MON2: variants seen among roughly 807,000 people sequenced by gnomAD.
MON2 encodes the protein protein MON2 homolog.
Under a neutral mutation model 208.6 loss-of-function variants are expected in MON2, and 84 were observed. The observed-to-expected ratio is 0.40, with a 90% confidence interval of 0.34 to 0.48. The LOEUF (loss-of-function observed/expected upper bound fraction) is 0.48. Ranked by LOEUF, MON2 falls within the 20% of genes least tolerant of loss-of-function variation. The probability of loss-of-function intolerance (pLI) is 0.59; values close to 1 mark genes in which losing one functional copy is unlikely to be tolerated. For synonymous variants in MON2, 660 were observed against 694.0 expected (o/e 0.95, Z 0.77); for missense variants, 1,611 against 2,015.4 (o/e 0.80, Z 3.84).
At chr12:62,485,790 G>A (rs1308454800) in intron 2 of MON2, among the ~76,000 whole-genome samples, 1 of 151,796 alleles carries the variant, frequency 6.6e-6, no homozygotes, top group East Asian at 1.9e-4. Flanking sequence ...TGCAACCTCT[G>A]CCTCCTGGGT....
chr12:62,590,268 T>C (rs1415295858), intron 34 of MON2, among the ~76,000 whole-genome samples: 1 of 152,110 alleles, frequency 6.6e-6, no homozygotes, highest in Non-Finnish European at 1.5e-5. Context: ...TTGTTTTGTA[T>C]TTTCAGTAGA....
chr12:62,497,640 T>C (rs1047212964), intron 4 of MON2, among the ~76,000 whole-genome samples: 3 of 151,976 alleles, frequency 2.0e-5, no homozygotes, highest in Non-Finnish European at 4.4e-5. Context: ...TTTGAGATAG[T>C]GTCTTGCTCT....
intron 4 of MON2, among the ~76,000 whole-genome samples, chr12:62,496,757 C>A (rs2070510825): frequency 6.6e-6 from 1 of 152,180 alleles, no homozygotes; most frequent in Non-Finnish European, 1.5e-5. Flanking sequence ...TCTTAAAATT[C>A]ATTCATAATG....
chr12:62,551,446 C>T (rs1433114246), intron 23 of MON2, among the ~76,000 whole-genome samples: 1 of 152,152 alleles, frequency 6.6e-6, no homozygotes, highest in Non-Finnish European at 1.5e-5. Flanking sequence ...AGGTGCGGCT[C>T]ATGCACCCCA....
intron 19 of MON2, among the ~76,000 whole-genome samples, chr12:62,542,214 T>C (rs1305780278): frequency 6.6e-6 from 1 of 152,160 alleles, no homozygotes; most frequent in Non-Finnish European, 1.5e-5. Flanking sequence ...CCCAATATAC[T>C]TGGTTCACTG....
intron 8 of MON2, among the ~76,000 whole-genome samples, chr12:62,513,468 C>T (rs2071517568): frequency 6.6e-6 from 1 of 151,978 alleles, no homozygotes; most frequent in South Asian, 2.1e-4. Context: ...TCAAGCAACC[C>T]ACCCGCCTCG....
chr12:62,541,154 G>A (rs2073214055), intron 19 of MON2, among the ~76,000 whole-genome samples: 1 of 152,124 alleles, frequency 6.6e-6, no homozygotes, highest in South Asian at 2.1e-4. Flanking sequence ...GGCTGAGGTG[G>A]GCGGATCACC....
chr12:62,540,624 G>A (rs1377447207), intron 19 of MON2, among the ~76,000 whole-genome samples: 1 of 152,146 alleles, frequency 6.6e-6, no homozygotes, highest in Non-Finnish European at 1.5e-5. Context: ...GATTTTTAAG[G>A]AAGGCTTGGG....
intron 11 of MON2, among the ~76,000 whole-genome samples, chr12:62,529,897 A>G (rs1034115683): frequency 6.6e-6 from 1 of 152,102 alleles, no homozygotes; most frequent in Admixed American, 6.5e-5. Context: ...TTCAGGGTAA[A>G]TGTGATATTT....
intron 8 of MON2, among the ~76,000 whole-genome samples, chr12:62,519,732 G>A (rs1261631771): frequency 6.6e-6 from 1 of 152,172 alleles, no homozygotes; most frequent in East Asian, 1.9e-4. Flanking sequence ...ACATGTAGTT[G>A]AAAGGCAGAA....
At chr12:62,508,688 CAG>C in intron 8 of MON2, 1 of 494,178 alleles carries the variant, frequency 2.0e-6, no homozygotes, top group Non-Finnish European at 3.6e-6. Context: ...ATGTGTGAAG[CAG>C]AGTCATTGCC....
intron 11 of MON2, among the ~76,000 whole-genome samples, chr12:62,528,287 T>C (rs919752310): frequency 6.6e-6 from 1 of 152,218 alleles, no homozygotes; most frequent in African/African-American, 2.4e-5. Context: ...ATCTTGATTG[T>C]GCATTCTGTT....
intron 8 of MON2, among the ~76,000 whole-genome samples, chr12:62,510,343 A>AT (rs769882485): frequency 2.6e-5 from 4 of 152,128 alleles, no homozygotes; most frequent in African/African-American, 9.7e-5. Flanking sequence ...GGAAAAAAAA[A>AT]CAGATCAAGC....
chr12:62,553,458 T>G (rs1210417387), intron 24 of MON2: 2 of 277,388 alleles, frequency 7.2e-6, no homozygotes, highest in African/African-American at 2.2e-5. Context: ...TTTTCCCAAA[T>G]GGTAAAAACC....
intron 1 of MON2, among the ~76,000 whole-genome samples, chr12:62,480,601 T>C (rs1288669279): frequency 6.6e-6 from 1 of 152,190 alleles, no homozygotes; most frequent in Non-Finnish European, 1.5e-5. Context: ...CTTCTCCTTA[T>C]TGTGTGTTTG....
intron 23 of MON2, among the ~76,000 whole-genome samples, chr12:62,551,659 A>G (rs2136302556): frequency 6.6e-6 from 1 of 152,380 alleles, no homozygotes; most frequent in South Asian, 2.1e-4. Flanking sequence ...ATTGCAATTT[A>G]TAAAAATTAC....
At chr12:62,479,496 A>C (rs1165121757) in intron 1 of MON2, among the ~76,000 whole-genome samples, 1 of 141,150 alleles carries the variant, frequency 7.1e-6, no homozygotes, top group South Asian at 2.6e-4. Flanking sequence ...AAACCAGTGG[A>C]TACGGAGGCC....
At chr12:62,501,543 C>G in intron 6 of MON2, 30 bp from the exon 7 acceptor site, 1 of 1,606,886 alleles carries the variant, frequency 6.2e-7, no homozygotes, top group Non-Finnish European at 8.5e-7. Flanking sequence ...TTAATTCTAG[C>G]ATGTGAAATT....
chr12:62,471,343 T>A (rs1343868759), intron 1 of MON2, among the ~76,000 whole-genome samples: 1 of 151,930 alleles, frequency 6.6e-6, no homozygotes, highest in Non-Finnish European at 1.5e-5. Context: ...CCACCACACC[T>A]GGCTAATTTT....
Sources: gnomAD v4.1 joint callset for allele counts (sites outside exome capture counted in the v4.1 genomes callset) on GRCh38, gnomAD v4.1.1 for gene constraint, MANE v1.5 for transcripts, NCBI Gene and HGNC (gene_info 2026-07-23, HGNC 2026-07-21) for gene names.